The following NFAT5 variants were observed in gnomAD, a reference collection of about 807,000 sequenced individuals.
NFAT5 encodes nuclear factor of activated T cells 5, also known as nuclear factor of activated T-cells 5.
In NFAT5, 31 loss-of-function variants were observed where a neutral mutation model predicts 166.5. The observed-to-expected ratio is 0.19, with a 90% CI of 0.14 to 0.25. The LOEUF (loss-of-function observed/expected upper bound fraction) is 0.25. NFAT5 is among the 10% of genes least tolerant of loss of function. The pLI, the probability that NFAT5 is intolerant of heterozygous loss-of-function variation, is 1.00. For missense variants in NFAT5, 1,449 were observed against 1,821.8 expected (o/e 0.80, Z 3.72); for synonymous variants, 612 against 639.7 (o/e 0.96, Z 0.65).
chr16:69,568,374 GTGTA>G (rs1384941472), intron 1 of NFAT5, 117 bp from the exon 2 acceptor site: 12,961 of 357,282 alleles, frequency 0.036, 395 homozygotes, highest in East Asian at 0.22. Context: ...GTGTGTGTGT[GTGTA>G]TATATATATA....
chr16:69,659,078 T>C (rs530314585), intron 6 of NFAT5, among the ~76,000 whole-genome samples: 36 of 152,018 alleles, frequency 2.4e-4, no homozygotes, highest in Non-Finnish European at 5.0e-4. Context: ...ATCCATTTTA[T>C]CTGTTTTCTG....
At chr16:69,682,701 A>G (rs1248679125) in intron 10 of NFAT5, among the ~76,000 whole-genome samples, 1 of 152,168 alleles carries the variant, frequency 6.6e-6, no homozygotes, top group African/African-American at 2.4e-5. Flanking sequence ...GGATTAGCTT[A>G]TATTTTTAAA....
chr16:69,691,448 T>C (rs553856474), intron 12 of NFAT5, among the ~76,000 whole-genome samples: 3 of 152,336 alleles, frequency 2.0e-5, no homozygotes, highest in Admixed American at 1.3e-4. Flanking sequence ...CTGCTCTTCA[T>C]GAACCATAAA....
intron 10 of NFAT5, 111 bp from the exon 11 acceptor site, chr16:69,684,772 CTAAA>C: frequency 1.5e-6 from 1 of 683,606 alleles, no homozygotes; most frequent in Non-Finnish European, 2.3e-6. Flanking sequence ...AGAATTTCTG[CTAAA>C]TAAATAATTA....
rs903084945 is a variant in NFAT5 at position 69,696,444 on chromosome 16, A to G, written c.*93A>G. The G allele has an allele frequency of 6.6e-6, 1 of 152,618 alleles. No homozygotes were observed. The highest frequency in any genetic ancestry group is 2.4e-5 in the African/African-American group (1 of 41,442). 9.5% of individuals were successfully genotyped at this position (152,618 alleles called of 1,614,324 possible). Reference sequence around the variant, plus strand: ...ATTATTACTTTAAAAACAAAACAAAATATAAAAAACTGTGTTTGAGTAAAC... The same window carrying G: ...ATTATTACTTTAAAAACAAAACAAAGTATAAAAAACTGTGTTTGAGTAAAC... On this transcript the variant is annotated 3_prime_UTR_variant, in exon 15 of 15. Transcript: ENST00000349945.
chr16:69,587,855 G>A (rs1446448366), intron 2 of NFAT5, among the ~76,000 whole-genome samples: 1 of 151,116 alleles, frequency 6.6e-6, no homozygotes, highest in Admixed American at 6.6e-5. Context: ...TTGTTTACTG[G>A]TAAAATGCAT....
At chr16:69,570,004 A>G (rs1387154389) in intron 2 of NFAT5, among the ~76,000 whole-genome samples, 1 of 152,212 alleles carries the variant, frequency 6.6e-6, no homozygotes, top group African/African-American at 2.4e-5. Flanking sequence ...ACAACAAACC[A>G]TAGAGTGTCA....
chr16:69,607,707 A>G (rs1335557525), intron 2 of NFAT5, among the ~76,000 whole-genome samples: 2 of 152,214 alleles, frequency 1.3e-5, no homozygotes, highest in Non-Finnish European at 1.5e-5. Context: ...AATCCATCTC[A>G]CTAAAGCTTC....
At chr16:69,690,319 G>GA (rs543291121) in intron 11 of NFAT5, among the ~76,000 whole-genome samples, 42 of 144,678 alleles carry the variant, frequency 2.9e-4, no homozygotes, top group East Asian at 1.6e-3. Context: ...TATTTCTGGG[G>GA]AAAAAAAAAA....
chr16:69,625,317 A>G (rs1187211163), intron 2 of NFAT5, among the ~76,000 whole-genome samples: 1 of 151,824 alleles, frequency 6.6e-6, no homozygotes, highest in East Asian at 1.9e-4. Flanking sequence ...AAGTTAAAAT[A>G]TATTTTAATA....
chr16:69,586,517 C>T (rs2032075815), intron 2 of NFAT5, among the ~76,000 whole-genome samples: 1 of 152,114 alleles, frequency 6.6e-6, no homozygotes, highest in Admixed American at 6.5e-5. Flanking sequence ...ATTCTCCTGC[C>T]TCAGCCTCCC....
Position 69,692,955 on chromosome 16 carries a change from T to C in NFAT5, c.3130T>C (p.Ser1044Pro). 3 of 1,614,142 alleles carry C rather than the reference T, an allele frequency of 1.9e-6. No homozygotes were observed. The highest frequency in any genetic ancestry group is 2.2e-5 in the East Asian group (1 of 44,880). Reference sequence around the variant, plus strand: ...TCAACCTCAAGTTAACCTTTTTTCATCCACAAAAAGTATGATGAGTGTTCA... The same window carrying C: ...TCAACCTCAAGTTAACCTTTTTTCACCCACAAAAAGTATGATGAGTGTTCA... ...DNQPQVNLFS[S>P]TKSMMSVQNS... is the part of the protein sequence containing the mutation. The change falls in exon 13 of 15, where the codon TCC becomes CCC. Residue 1044 changes from serine (S) to proline (P), a missense_variant. Around this residue, in one of 7 missense-constraint regions of NFAT5, gnomAD observed 891 missense variants for 993.0 expected, o/e 0.90. Transcript: ENST00000349945.
In NFAT5 at chr16:69,693,896, A is replaced by C; in HGVS notation, c.4071A>C (p.Pro1357=). 6.2e-7 allele frequency: 1 copy of C among 1,614,208 alleles called. No individual in the cohort carries two copies. Among genetic ancestry groups the C allele is most frequent in the South Asian group, 1.1e-5 (1 of 91,078 alleles). The part of the protein sequence containing the change: ...SQSTVSSLQN[P]GPTQSESSQT... ...CCACAGTTTCCTCACTTCAGAACCC[A>C]GGTCCTACCCAGTCGGAATCATCAC... The change falls in exon 13 of 15, where the codon CCA becomes CCC. Residue 1357 remains proline, a synonymous_variant. Coordinates refer to ENST00000349945, the MANE Select transcript of NFAT5 (RefSeq NM_138713.4).
chr16:69,678,208 AT>A (rs111552608), intron 10 of NFAT5, among the ~76,000 whole-genome samples: 79,969 of 147,084 alleles, frequency 0.54, 22,822 homozygotes, highest in East Asian at 0.83. Context: ...GAGGAACTAA[AT>A]TTTTTTTTTT....
chr16:69,671,300 C>T (rs1040380842), intron 9 of NFAT5, among the ~76,000 whole-genome samples: 1 of 152,096 alleles, frequency 6.6e-6, no homozygotes, highest in Non-Finnish European at 1.5e-5. Flanking sequence ...TGATAACTTC[C>T]TAGAAAAATT....
chr16:69,658,566 G>A (rs1433722322), intron 6 of NFAT5, among the ~76,000 whole-genome samples: 1 of 152,030 alleles, frequency 6.6e-6, no homozygotes, highest in African/African-American at 2.4e-5. Context: ...GCCTGGCACA[G>A]TGGCTTGTAA....
At chr16:69,622,665 TTAA>T (rs2034251552) in intron 2 of NFAT5, among the ~76,000 whole-genome samples, 1 of 152,122 alleles carries the variant, frequency 6.6e-6, no homozygotes, top group South Asian at 2.1e-4. Flanking sequence ...TTAATTTATT[TTAA>T]TAATTGGAGA....
rs2016028033 is a variant in NFAT5, at chr16:69,566,282, C to T, written c.-20C>T. On this transcript the variant is annotated 5_prime_UTR_variant, in exon 1 of 15. Coordinates refer to ENST00000349945, the MANE Select transcript of NFAT5 (RefSeq NM_138713.4). This position sits in a 1 kb window ranked among gnomAD's most constrained non-coding sequence, Gnocchi z 5.7. Reference sequence around the variant, plus strand: ...CTCCCCCCCTCCCGCTGCCCTCGGGCCGGGCTGGGTCGAGCTGCGATGCCC... The same window carrying T: ...CTCCCCCCCTCCCGCTGCCCTCGGGTCGGGCTGGGTCGAGCTGCGATGCCC... 12 of 1,594,492 alleles carry T rather than the reference C, an allele frequency of 7.5e-6. No individual in the cohort carries two copies. Among genetic ancestry groups the T allele is most frequent in the Non-Finnish European group, 1.0e-5 (12 of 1,172,912 alleles).
intron 9 of NFAT5, among the ~76,000 whole-genome samples, chr16:69,671,685 A>G (rs1184915479): frequency 6.6e-6 from 1 of 152,166 alleles, no homozygotes; most frequent in South Asian, 2.1e-4. Context: ...CTATAGTTTT[A>G]CAACAAAAGG....
Sources: allele counts gnomAD v4.1 joint callset (sites outside exome capture counted in the v4.1 genomes callset), GRCh38; gene constraint gnomAD v4.1.1; regional missense constraint gnomAD v4.1.1; non-coding constraint Gnocchi (gnomAD v3.1); transcripts MANE v1.5; gene names NCBI Gene and HGNC (gene_info 2026-07-23, HGNC 2026-07-21).